The following GNAQ variants were observed in gnomAD, a reference collection of about 807,000 sequenced individuals.
GNAQ encodes the protein guanine nucleotide-binding protein G(q) subunit alpha.
In GNAQ, 8 loss-of-function variants were observed where a neutral mutation model predicts 43.9. That is an observed-to-expected ratio of 0.18 (90% CI 0.11 to 0.33). GNAQ has a LOEUF of 0.33. GNAQ is among the 10% of genes least tolerant of loss of function. The pLI, the probability that GNAQ is intolerant of heterozygous loss-of-function variation, is 1.00. For missense variants in GNAQ, 158 were observed against 450.8 expected, an observed-to-expected ratio of 0.35 and a Z score of 5.88; for synonymous variants, 155 against 170.7, an observed-to-expected ratio of 0.91 and a Z score of 0.71.
intron 1 of GNAQ, among the ~76,000 whole-genome samples, chr9:78,024,907 A>G (rs1302270890): frequency 3.3e-5 from 5 of 152,160 alleles, no homozygotes; most frequent in Non-Finnish European, 4.4e-5. Context: ...TGGATTTGAG[A>G]TATCTTCATA....
At chr9:77,778,566 A>G (rs1195907989) in intron 5 of GNAQ, among the ~76,000 whole-genome samples, 1 of 151,994 alleles carries the variant, frequency 6.6e-6, no homozygotes, top group Non-Finnish European at 1.5e-5. Flanking sequence ...TGATCATGGT[A>G]GATATTATTG....
chr9:77,951,004 G>T (rs986470498), intron 1 of GNAQ, among the ~76,000 whole-genome samples: 1 of 151,138 alleles, frequency 6.6e-6, no homozygotes, highest in South Asian at 2.1e-4. Flanking sequence ...ACACTATGAG[G>T]CCAAGATGTA....
intron 5 of GNAQ, among the ~76,000 whole-genome samples, chr9:77,763,153 A>C (rs1017434265): frequency 2.0e-5 from 3 of 150,368 alleles, no homozygotes; most frequent in Non-Finnish European, 3.0e-5. Context: ...AAAAAAAAAA[A>C]AACAAAGGAA....
rs556298762 is a variant in GNAQ, at chr9:77,750,206, ATTCT to A, written c.736-21543_736-21540del. 4.1e-3 allele frequency among the ~76,000 whole-genome samples: 629 copies of A among 152,170 alleles called. 3 individuals carry two copies. Among genetic ancestry groups the A allele is most frequent in the Middle Eastern group, 6.8e-3 (2 of 294 alleles). ...AATATTAAAGAAGAAATCTTGCAAA[ATTCT>A]TTCTACCAATACCAAAAGATTTCTA... On this transcript the variant is annotated intron_variant, in intron 5 of 6. Coordinates refer to ENST00000286548, the MANE Select transcript of GNAQ (RefSeq NM_002072.5).
intron 2 of GNAQ, among the ~76,000 whole-genome samples, chr9:77,816,968 T>C (rs2118514214): frequency 6.6e-6 from 1 of 152,292 alleles, no homozygotes; most frequent in Admixed American, 6.5e-5. Context: ...CCTTTCTTAT[T>C]TGTTCTGTTC....
intron 2 of GNAQ, among the ~76,000 whole-genome samples, chr9:77,842,843 T>C (rs761124528): frequency 9.2e-5 from 14 of 152,172 alleles, no homozygotes; most frequent in African/African-American, 1.2e-4. Flanking sequence ...GCCAGGCTCC[T>C]AGAATTCTAG....
intron 1 of GNAQ, among the ~76,000 whole-genome samples, chr9:77,960,365 A>G (rs1255212109): frequency 1.3e-5 from 2 of 152,204 alleles, no homozygotes; most frequent in Non-Finnish European, 2.9e-5. Flanking sequence ...TCAGAAAGAA[A>G]CAGGCAAAGC....
At chr9:78,030,464 C>G (rs1307592643) in intron 1 of GNAQ, 2 of 467,634 alleles carry the variant, frequency 4.3e-6, no homozygotes, top group Non-Finnish European at 8.9e-6. Flanking sequence ...CCCGCCTCGC[C>G]CCCAGTACAC....
intron 1 of GNAQ, among the ~76,000 whole-genome samples, chr9:77,931,615 C>G (rs1829154400): frequency 6.6e-6 from 1 of 151,940 alleles, no homozygotes; most frequent in Non-Finnish European, 1.5e-5. Context: ...AAAGAACTCT[C>G]AAGAACAGTA....
chr9:77,826,321 T>G (rs1216681386), intron 2 of GNAQ, among the ~76,000 whole-genome samples: 1 of 152,160 alleles, frequency 6.6e-6, no homozygotes, highest in Non-Finnish European at 1.5e-5. Context: ...GTGTCCTTGT[T>G]GTGTGCTTTG....
At chr9:77,940,960 T>C (rs1184404199) in intron 1 of GNAQ, among the ~76,000 whole-genome samples, 1 of 148,426 alleles carries the variant, frequency 6.7e-6, no homozygotes, top group East Asian at 2.0e-4. Flanking sequence ...CGAGACTCCG[T>C]CTCAAAAAAA....
chr9:77,942,384 A>G (rs919708335), intron 1 of GNAQ, among the ~76,000 whole-genome samples: 2 of 152,244 alleles, frequency 1.3e-5, no homozygotes, highest in African/African-American at 2.4e-5. Context: ...CTAGTGAGCC[A>G]TTAGCAGAAC....
chr9:77,822,624 TAA>T (rs111910216), intron 2 of GNAQ, among the ~76,000 whole-genome samples: 40 of 131,422 alleles, frequency 3.0e-4, no homozygotes, highest in Non-Finnish European at 4.3e-4. Flanking sequence ...GCTTTTTGAT[TAA>T]AAAAAAAAAA....
chr9:77,847,335 T>A (rs1331141708), intron 2 of GNAQ, among the ~76,000 whole-genome samples: 1 of 152,162 alleles, frequency 6.6e-6, no homozygotes, highest in East Asian at 1.9e-4. Context: ...AGTAATAACA[T>A]AAACAACAAA....
intron 1 of GNAQ, among the ~76,000 whole-genome samples, chr9:77,935,235 C>T (rs1039424506): frequency 4.6e-5 from 7 of 152,154 alleles, no homozygotes; most frequent in African/African-American, 1.7e-4. Flanking sequence ...GCATTGTTCA[C>T]ATTTTAAAGT....
chr9:77,797,092 G>C (rs914961856), intron 4 of GNAQ, among the ~76,000 whole-genome samples: 2 of 152,036 alleles, frequency 1.3e-5, no homozygotes, highest in African/African-American at 2.4e-5. Context: ...GAGTGCAGTG[G>C]CGCAATCTCG....
At chr9:78,024,862 AT>A (rs1025755735) in intron 1 of GNAQ, among the ~76,000 whole-genome samples, 5 of 152,166 alleles carry the variant, frequency 3.3e-5, no homozygotes, top group African/African-American at 1.2e-4. Flanking sequence ...TAGAGGAAAT[AT>A]TTTTTAATAA....
chr9:77,858,324 C>T (rs1287118778), intron 2 of GNAQ, among the ~76,000 whole-genome samples: 3 of 152,134 alleles, frequency 2.0e-5, no homozygotes, highest in African/African-American at 7.2e-5. Context: ...CGTAGTCTGA[C>T]CTAGTTGAAG....
At chr9:77,807,284 G>C (rs1381930203) in intron 3 of GNAQ, among the ~76,000 whole-genome samples, 4 of 152,100 alleles carry the variant, frequency 2.6e-5, no homozygotes, top group Non-Finnish European at 5.9e-5. Flanking sequence ...ACTGGAAGTG[G>C]GATGGGGTTG....
Sources: allele counts gnomAD v4.1 joint callset (sites outside exome capture counted in the v4.1 genomes callset), GRCh38; gene constraint gnomAD v4.1.1; transcripts MANE v1.5; gene names NCBI Gene and HGNC (gene_info 2026-07-23, HGNC 2026-07-21).